The following RDX variants were observed in gnomAD, a reference collection of about 807,000 sequenced individuals.
RDX encodes the protein deafness, autosomal recessive 24.
In RDX, 32 loss-of-function variants were observed where a neutral mutation model predicts 83.7. That is an observed-to-expected ratio of 0.38 (90% confidence interval 0.29 to 0.51). RDX has a LOEUF of 0.51. Ranked by LOEUF, RDX falls within the 20% of genes least tolerant of loss-of-function variation. The pLI is 0.87. For synonymous variants in RDX, 229 were observed against 222.7 expected (o/e 1.03, Z -0.25); for missense variants, 600 against 689.9 (o/e 0.87, Z 1.46).
intron 15 of RDX, among the ~76,000 whole-genome samples, chr11:110,197,815 T>A (rs1055599358): frequency 1.9e-4 from 29 of 152,150 alleles, no homozygotes; most frequent in Non-Finnish European, 3.5e-4. Flanking sequence ...GGATTTTAGC[T>A]CAAATATCAG....
intron 14 of RDX, among the ~76,000 whole-genome samples, chr11:110,221,509 G>A (rs962328809): frequency 1.3e-5 from 2 of 151,716 alleles, no homozygotes; most frequent in Non-Finnish European, 2.9e-5. Context: ...GAGGCAGAAG[G>A]ATCGCTTGAA....
chr11:110,285,702 G>C (rs1366561127), intron 1 of RDX, among the ~76,000 whole-genome samples: 1 of 101,662 alleles, frequency 9.8e-6, no homozygotes, highest in Non-Finnish European at 1.8e-5. Flanking sequence ...GACAGAGTGA[G>C]ACTTTGTCTC....
At chr11:110,222,901 G>A (rs1864300344) in intron 14 of RDX, among the ~76,000 whole-genome samples, 3 of 152,182 alleles carry the variant, frequency 2.0e-5, no homozygotes, top group African/African-American at 7.2e-5. Context: ...CTTGAAAAAT[G>A]ACAAGCAGTT....
Position 110,177,180 on chromosome 11 carries a change from C to T in RDX, c.*32-1946G>A, listed in dbSNP as rs534340807. Among the ~76,000 whole-genome samples the T allele has an allele frequency of 9.1e-4, 139 of 152,360 alleles. No individual in the cohort carries two copies. In the South Asian group the frequency reaches 0.028, roughly 30 times the overall value. ...ATGCTCATGGAGAAGAATTTCCCACCTCCACCCGGGGACAGGAACGGTGAG... is the reference window on the plus strand; with the variant it reads ...ATGCTCATGGAGAAGAATTTCCCACTTCCACCCGGGGACAGGAACGGTGAG... On this transcript the variant is annotated intron_variant, in intron 15 of 15. Transcript: ENST00000528498.
At chr11:110,235,432 CTTTA>C (rs1864807608) in intron 12 of RDX, among the ~76,000 whole-genome samples, 1 of 152,182 alleles carries the variant, frequency 6.6e-6, no homozygotes, top group South Asian at 2.1e-4. Context: ...TCCCATTCCT[CTTTA>C]TTCTCATTTT....
Position 110,236,120 on chromosome 11 carries a change from T to C in RDX, c.1323A>G (p.Glu441=), listed in dbSNP as rs1360318391. 1 of 1,611,512 alleles carries C rather than the reference T, an allele frequency of 6.2e-7. No individual in the cohort carries two copies. The highest frequency in any genetic ancestry group is 1.3e-5 in the African/African-American group (1 of 74,868). Reference sequence around the variant, plus strand: ...TTACTTTGTGTTGCCACTCAGTAGCTTCCTCTTCCTTTTTCTTCTTGGCTT... The same window carrying C: ...TTACTTTGTGTTGCCACTCAGTAGCCTCCTCTTCCTTTTTCTTCTTGGCTT... ...LEEAKKKKEE[E]ATEWQHKAFA... The change falls in exon 12 of 14, where the codon GAA becomes GAG. Residue 441 remains glutamate (E), a synonymous_variant. Coordinates refer to ENST00000645495, the MANE Select transcript of RDX (RefSeq NM_002906.4).
At chr11:110,220,151 A>G (rs999778123) in intron 14 of RDX, among the ~76,000 whole-genome samples, 3 of 152,214 alleles carry the variant, frequency 2.0e-5, no homozygotes, top group Non-Finnish European at 4.4e-5. Context: ...ACCTTCTAAG[A>G]GAATCATAAC....
At chr11:110,278,833 A>G (rs1297642007) in intron 2 of RDX, among the ~76,000 whole-genome samples, 1 of 151,414 alleles carries the variant, frequency 6.6e-6, no homozygotes, top group African/African-American at 2.4e-5. Context: ...TTTCTTTAAA[A>G]TTATAATTGG....
intron 2 of RDX, chr11:110,272,950 G>C (rs148859817): frequency 1.1e-5 from 5 of 460,894 alleles, no homozygotes; most frequent in Non-Finnish European, 8.7e-6. Flanking sequence ...GCAAGAGCTG[G>C]ACATGGTGCC....
At chr11:110,280,448 C>T (rs1860713195) in intron 1 of RDX, among the ~76,000 whole-genome samples, 1 of 152,132 alleles carries the variant, frequency 6.6e-6, no homozygotes, top group Non-Finnish European at 1.5e-5. Context: ...CAGGGTTGCC[C>T]TATGTTGCTC....
intron 10 of RDX, among the ~76,000 whole-genome samples, chr11:110,245,509 T>G (rs1859070516): frequency 6.6e-6 from 1 of 152,164 alleles, no homozygotes; most frequent in African/African-American, 2.4e-5. Flanking sequence ...TTTTAGAAAT[T>G]AGGATCCTAA....
At chr11:110,199,202 A>T (rs1010282778) in intron 15 of RDX, among the ~76,000 whole-genome samples, 1 of 152,208 alleles carries the variant, frequency 6.6e-6, no homozygotes, top group Non-Finnish European at 1.5e-5. Context: ...TTTCATTCTC[A>T]ATGCTAGAGA....
intron 3 of RDX, among the ~76,000 whole-genome samples, chr11:110,267,240 G>A (rs939558181): frequency 6.6e-6 from 1 of 152,100 alleles, no homozygotes; most frequent in Non-Finnish European, 1.5e-5. Context: ...ATTTGGCAGG[G>A]CAGGGTGGCT....
rs758795848 is a variant in RDX, at chr11:110,272,601, T to C, written c.31A>G (p.Thr11Ala). The stretch of plus-strand genomic sequence containing the variant: ...GCAAATTCCAGCTCAGCATCCATTG[T>C]AGTTACTCTTACGTTGATCTGTAAT... The part of the protein sequence containing the change: MPKPINVRVT[T>A]MDAELEFAIQ... The change falls in exon 3 of 14, where the codon ACA (threonine) becomes GCA (alanine). Residue 11 changes from threonine (T) to alanine (A), a missense_variant. Thr to Ala is a moderately conservative substitution (Grantham distance 58). Transcript: ENST00000645495. 6.2e-7 allele frequency: 1 copy of C among 1,610,868 alleles called. No individual in the cohort carries two copies. Among genetic ancestry groups the C allele is most frequent in the East Asian group, 2.2e-5 (1 of 44,816 alleles).
chr11:110,254,402 T>C (rs191838009), intron 8 of RDX, among the ~76,000 whole-genome samples: 1 of 152,326 alleles, frequency 6.6e-6, no homozygotes, highest in Admixed American at 6.5e-5. Flanking sequence ...TGAGCACCTG[T>C]TCCTTATACA....
chr11:110,268,018 G>A (rs1027198543), intron 3 of RDX, among the ~76,000 whole-genome samples: 15 of 151,848 alleles, frequency 9.9e-5, no homozygotes, highest in African/African-American at 3.4e-4. Context: ...CATCAAAAAA[G>A]CAAAAAGTGG....
At chr11:110,251,001 T>C (rs138762353) in intron 9 of RDX, among the ~76,000 whole-genome samples, 10 of 152,298 alleles carry the variant, frequency 6.6e-5, no homozygotes, top group Middle Eastern at 3.4e-3. Context: ...CACTGGCCCA[T>C]AGGCACACCA....
At chr11:110,191,162 C>T (rs1317926529) in intron 15 of RDX, among the ~76,000 whole-genome samples, 1 of 152,176 alleles carries the variant, frequency 6.6e-6, no homozygotes, top group African/African-American at 2.4e-5. Flanking sequence ...AGACTAATAT[C>T]CCTGATGAAC....
intron 1 of RDX, among the ~76,000 whole-genome samples, chr11:110,290,429 T>G (rs1861188406): frequency 6.6e-6 from 1 of 151,808 alleles, no homozygotes; most frequent in Non-Finnish European, 1.5e-5. Flanking sequence ...GAGGGATCAC[T>G]TCAGCCTGGG....
Sources: allele counts gnomAD v4.1 joint callset (sites outside exome capture counted in the v4.1 genomes callset), GRCh38; gene constraint gnomAD v4.1.1; transcripts MANE v1.5; gene names NCBI Gene and HGNC (gene_info 2026-07-23, HGNC 2026-07-21).